Variants in CCDC102B observed in about 807,000 individuals in gnomAD.
CCDC102B encodes the protein coiled-coil domain-containing protein 102B.
A neutral mutation model predicts 57.4 loss-of-function variants in CCDC102B; 75 were observed. That is an observed-to-expected ratio of 1.31 (90% CI 1.08 to 1.58). The LOEUF is 1.58. Among genes scored for constraint, CCDC102B ranks in the 40% most tolerant of loss-of-function variants. CCDC102B has a pLI of 0.00. For synonymous variants in CCDC102B, 206 were observed against 201.9 expected (o/e 1.02, Z -0.17); for missense variants, 636 against 582.6 (o/e 1.09, Z -0.94).
At chr18:68,967,927 A>G (rs1050874964) in intron 6 of CCDC102B, among the ~76,000 whole-genome samples, 1 of 152,188 alleles carries the variant, frequency 6.6e-6, no homozygotes, top group Non-Finnish European at 1.5e-5. Context: ...TAAAAATACT[A>G]TCAGAAAAAA....
chr18:69,029,927 C>A (rs1252702041), intron 7 of CCDC102B, among the ~76,000 whole-genome samples: 1 of 152,098 alleles, frequency 6.6e-6, no homozygotes, highest in Non-Finnish European at 1.5e-5. Flanking sequence ...AGTTATCTGT[C>A]TATTTTATCA....
intron 7 of CCDC102B, among the ~76,000 whole-genome samples, chr18:69,049,378 T>C (rs1314481200): frequency 1.3e-5 from 2 of 152,164 alleles, no homozygotes; most frequent in Admixed American, 6.6e-5. Context: ...ATTCATCCTT[T>C]TTTTTTCTTA....
At chr18:68,796,420 C>T (rs1296593762), upstream of CCDC102B, among the ~76,000 whole-genome samples, 1 of 151,978 alleles carries the variant, frequency 6.6e-6, no homozygotes, top group African/African-American at 2.4e-5. Flanking sequence ...AAGCTGATGC[C>T]ATATCTGTGT....
intron 6 of CCDC102B, among the ~76,000 whole-genome samples, chr18:68,932,477 A>G (rs923907794): frequency 2.0e-5 from 3 of 151,922 alleles, no homozygotes; most frequent in Non-Finnish European, 4.4e-5. Flanking sequence ...TTATGTTGAT[A>G]AAGATCATAG....
rs144703390 is a variant in CCDC102B at position 68,895,515 on chromosome 18, T to A, written c.1054-1704T>A. ...CATAGCAACAGATTTTATAACAGTA[T>A]AATAATTATAAAGTATGTTGCAATG... On this transcript the variant is annotated intron_variant, in intron 5 of 7. Coordinates refer to ENST00000360242, the MANE Select transcript of CCDC102B (RefSeq NM_024781.3). 6.9e-4 allele frequency among the ~76,000 whole-genome samples: 105 copies of A among 151,868 alleles called. No homozygotes were observed. The East Asian group carries it at 0.014, about 20-fold the overall frequency.
chr18:68,924,388 C>A, intron 6 of CCDC102B, among the ~76,000 whole-genome samples: 1 of 151,992 alleles, frequency 6.6e-6, no homozygotes, highest in East Asian at 1.9e-4. Flanking sequence ...CCTACCTCCA[C>A]CATACTTCTT....
At chr18:68,813,883 C>T (rs2036373738) in intron 1 of CCDC102B, among the ~76,000 whole-genome samples, 1 of 151,198 alleles carries the variant, frequency 6.6e-6, no homozygotes, top group African/African-American at 2.4e-5. Context: ...AGTATTTGGA[C>T]TAAAGTGGAT....
At position 68,897,364 on chromosome 18, in the gene CCDC102B, T is replaced by A; in HGVS notation, c.1199T>A (p.Leu400Ter). 3 of 1,612,806 alleles carry A rather than the reference T, an allele frequency of 1.9e-6. No homozygotes were observed. Among genetic ancestry groups the A allele is most frequent in the South Asian group, 1.1e-5 (1 of 91,040 alleles). ...GAGCTTTTGGATAAGAAAAATAGAT[T>A]AAGTGCAAACTCTCAAAGTCCTGAT... Reference protein sequence around the residue: ...MEELLDKKNRLSANSQSPDFK... With the variant: ...MEELLDKKNR Residue 400 changes from leucine to a stop codon, truncating the protein, a stop_gained, in exon 6 of 8, where the codon TTA (leucine) becomes TAA (stop). Coordinates refer to ENST00000360242, the MANE Select transcript of CCDC102B (RefSeq NM_024781.3). LOFTEE classifies it high-confidence loss of function.
intron 2 of CCDC102B, among the ~76,000 whole-genome samples, chr18:68,739,097 C>T (rs2033274023): frequency 6.6e-6 from 1 of 151,510 alleles, no homozygotes; most frequent in Admixed American, 6.6e-5. Flanking sequence ...CAGGATCAAG[C>T]GATTCTTGTG....
chr18:68,715,351 C>T (rs370476675), exon 1 of CCDC102B: 3 of 789,126 alleles, frequency 3.8e-6, no homozygotes, highest in East Asian at 1.8e-4. Flanking sequence ...GAAAGTTATG[C>T]TGAGGGTGAG....
At chr18:68,860,464 A>AAAAACG (rs2038690083) in intron 4 of CCDC102B, among the ~76,000 whole-genome samples, 1 of 78,674 alleles carries the variant, frequency 1.3e-5, no homozygotes, top group Admixed American at 1.4e-4. Context: ...AAAAAAAAAC[A>AAAAACG]AAAACAAAAA....
intron 4 of CCDC102B, among the ~76,000 whole-genome samples, chr18:68,867,716 C>T (rs1169469923): frequency 1.3e-5 from 2 of 151,986 alleles, no homozygotes; most frequent in Non-Finnish European, 2.9e-5. Context: ...GGGCGGATCA[C>T]AAGGTCAGGA....
chr18:69,016,233 G>T (rs1322476152), intron 7 of CCDC102B, among the ~76,000 whole-genome samples: 1 of 151,832 alleles, frequency 6.6e-6, no homozygotes, highest in Admixed American at 6.6e-5. Context: ...CAAAATAACC[G>T]ACCACTTTAA....
chr18:68,896,049 T>C (rs754991294), intron 5 of CCDC102B, among the ~76,000 whole-genome samples: 1 of 151,990 alleles, frequency 6.6e-6, no homozygotes, highest in Non-Finnish European at 1.5e-5. Flanking sequence ...TCAGATTAAA[T>C]AAGTTGTCTA....
chr18:68,925,946 CTT>C (rs915393871), intron 6 of CCDC102B, among the ~76,000 whole-genome samples: 3 of 151,932 alleles, frequency 2.0e-5, no homozygotes, highest in African/African-American at 7.2e-5. Context: ...TTACTTGACA[CTT>C]TTGTTTTTTA....
Position 68,917,782 on chromosome 18 carries a change from A to G in CCDC102B, c.1263+20354A>G, listed in dbSNP as rs1470522942. ...TATTATTTATTTACCAAGAATCGCT[A>G]TGTTTTGTTCTTTCTATGTCTCTTT... On this transcript the variant is annotated intron_variant, in intron 6 of 7. Transcript: ENST00000360242. Among the ~76,000 whole-genome samples, 3 of 152,228 alleles carry G rather than the reference A, an allele frequency of 2.0e-5. No individual in the cohort carries two copies. The East Asian group carries it at 5.8e-4, about 29-fold the overall frequency.
rs78089481 is a variant in CCDC102B at position 68,844,196 on chromosome 18, T to C, written c.828-2117T>C. ...GAATTTATTTTGAGTTTCTAACTTA[T>C]CATTTGATTCATTAAAGTATAATAT... On this transcript the variant is annotated intron_variant, in intron 3 of 7. Coordinates refer to ENST00000360242, the MANE Select transcript of CCDC102B (RefSeq NM_024781.3). Among the ~76,000 whole-genome samples the C allele has an allele frequency of 8.5e-3, 1,297 of 152,014 alleles. 14 individuals are homozygous for C. The highest frequency in any genetic ancestry group is 0.036 in the East Asian group (189 of 5,184).
intron 6 of CCDC102B, among the ~76,000 whole-genome samples, chr18:68,948,583 C>T (rs2049604229): frequency 6.6e-6 from 1 of 151,992 alleles, no homozygotes; most frequent in Non-Finnish European, 1.5e-5. Context: ...CCACATATTG[C>T]CTGGAAGACC....
At chr18:68,838,536 CAAA>C in intron 2 of CCDC102B, 167 bp from the exon 3 acceptor site, 1 of 985,016 alleles carries the variant, frequency 1.0e-6, no homozygotes, top group Non-Finnish European at 1.2e-6. Context: ...AAAACAAGCT[CAAA>C]GAAGAATGCA....
Sources: allele counts gnomAD v4.1 joint callset (sites outside exome capture counted in the v4.1 genomes callset), GRCh38; gene constraint gnomAD v4.1.1; transcripts MANE v1.5; gene names NCBI Gene and HGNC (gene_info 2026-07-23, HGNC 2026-07-21).